Variants in ATXN7L3 observed in about 807,000 individuals in gnomAD.
ATXN7L3 encodes the protein ataxin-7-like protein 3.
In ATXN7L3, 6 loss-of-function variants were observed where a neutral mutation model predicts 50.0. The ratio of observed to expected loss-of-function variants is 0.12; its 90% confidence interval spans 0.07 to 0.24. The LOEUF is 0.24. Ranked by LOEUF, ATXN7L3 falls within the 10% of genes least tolerant of loss-of-function variation. The probability of loss-of-function intolerance (pLI) is 1.00; values close to 1 mark genes in which losing one functional copy is unlikely to be tolerated. For synonymous variants in ATXN7L3, 198 were observed against 165.8 expected, an observed-to-expected ratio of 1.19 and a Z score of -1.49; for missense variants, 322 against 451.3, an observed-to-expected ratio of 0.71 and a Z score of 2.60.
At position 44,195,549 on chromosome 17, in the gene ATXN7L3, G is replaced by A. The variant is rs1030866892; in HGVS notation, c.553-62C>T. ...CAGAGAAAAGAGAAGGACAGGGGTG[G>A]AAGTGAGAATCAGTCCCTCTGGTCC... On this transcript the variant is annotated intron_variant, in intron 8 of 12. Coordinates refer to ENST00000587097, the MANE Select transcript of ATXN7L3 (RefSeq NM_001382309.1). The A allele has an allele frequency of 1.7e-5, 26 of 1,517,350 alleles. No individual in the cohort carries two copies. The African/African-American group carries it at 3.4e-4, about 20-fold the overall frequency. 94.0% of individuals were successfully genotyped at this position (1,517,350 alleles called of 1,614,324 possible).
Position 44,195,475 on chromosome 17 carries a change from T to C in ATXN7L3, c.565A>G (p.Thr189Ala), listed in dbSNP as rs373985034. ...NSDPFKYNNS[T>A]GISYETLGPE... ...CCCAGGGTCTCATAGCTGATCCCAG[T>C]TGAATTGTTATACTGCAGGACAACC... is the stretch of plus-strand genomic sequence containing the variant. The change falls in exon 9 of 13, where the codon ACT becomes GCT. Residue 189 changes from threonine to alanine, a missense_variant. Coordinates refer to ENST00000587097, the MANE Select transcript of ATXN7L3 (RefSeq NM_001382309.1). 2.7e-5 allele frequency: 43 copies of C among 1,613,848 alleles called. No homozygotes were observed. The highest frequency in any genetic ancestry group is 3.3e-5 in the Admixed American group (2 of 59,986).
Position 44,192,113 on chromosome 17 carries a change from C to G in ATXN7L3, c.*2150G>C, listed in dbSNP as rs192273585. 6.6e-6 allele frequency: 1 copy of G among 152,450 alleles called. No individual in the cohort carries two copies. Among genetic ancestry groups the G allele is most frequent in the African/African-American group, 2.4e-5 (1 of 41,382 alleles). The allele number at this position is 152,450 out of a possible 1,614,324, so 9.4% of individuals were successfully genotyped here. ...GGATACAGGGTGGACGACACCTAGC[C>G]GGGGTGGGAAGGATGGGAATTGAAA... On this transcript the variant is annotated 3_prime_UTR_variant, in exon 13 of 13. Coordinates refer to ENST00000587097, the MANE Select transcript of ATXN7L3 (RefSeq NM_001382309.1).
In ATXN7L3 at chr17:44,195,819, C is replaced by T; in HGVS notation, c.533G>A (p.Ser178Asn). 1 of 1,611,078 alleles carries T rather than the reference C, an allele frequency of 6.2e-7. No homozygotes were observed. The highest frequency in any genetic ancestry group is 8.5e-7 in the Non-Finnish European group (1 of 1,178,672). ...KSLKHKNGEL[S>N]NSDPFKYNNS... Reference sequence around the variant, plus strand: ...ACTCACCTTAAAAGGATCCGAATTGCTAAGTTCCCCTGAAGAAGAAAAAAG... The same window carrying T: ...ACTCACCTTAAAAGGATCCGAATTGTTAAGTTCCCCTGAAGAAGAAAAAAG... The change falls in exon 8 of 13, where the codon AGC becomes AAC. Residue 178 changes from serine (S) to asparagine (N), a missense_variant. Physicochemically the swap from Ser to Asn is conservative, Grantham distance 46 (BLOSUM62 1). Coordinates refer to ENST00000587097, the MANE Select transcript of ATXN7L3 (RefSeq NM_001382309.1).
chr17:44,194,240 A>G lies in ATXN7L3; in HGVS notation c.*23T>C, dbSNP rs772770850. On this transcript the variant is annotated 3_prime_UTR_variant, in exon 13 of 13. Transcript: ENST00000587097. ...TCAGGAGAGAGGGCTCTGCTCAGCC[A>G]AAGGCTATCCCTTGCACCCAAGTCA... 5 of 1,613,104 alleles carry G rather than the reference A, an allele frequency of 3.1e-6. No individual in the cohort carries two copies. Among genetic ancestry groups the G allele is most frequent in the Non-Finnish European group, 4.2e-6 (5 of 1,179,600 alleles).
intron 10 of ATXN7L3, 112 bp from the exon 11 acceptor site, chr17:44,194,951 C>CCCAGATTGTGG (rs1376000180): frequency 1.3e-6 from 2 of 1,492,012 alleles, no homozygotes; most frequent in African/African-American, 2.8e-5. Flanking sequence ...CAGATTCATC[C>CCCAGATTGTGG]CCAGATTGTG....
intron 5 of ATXN7L3, 33 bp from the exon 6 acceptor site, chr17:44,196,451 T>G: frequency 1.2e-6 from 2 of 1,613,846 alleles, no homozygotes; most frequent in Non-Finnish European, 1.7e-6. Context: ...GAGCAGGGTT[T>G]CCGTTAAGTT....
chr17:44,196,065 A>T lies in ATXN7L3; in HGVS notation c.492T>A (p.Pro164=). The change falls in exon 7 of 13, where the codon CCT becomes CCA. Residue 164 remains proline, a synonymous_variant. Coordinates refer to ENST00000587097, the MANE Select transcript of ATXN7L3 (RefSeq NM_001382309.1). Reference sequence around the variant, plus strand: ...TGTGTTTTAATGACTTGGATCTTCGAGGGGAATTGGGGTTCTGGAATGGGA... The same window carrying T: ...TGTGTTTTAATGACTTGGATCTTCGTGGGGAATTGGGGTTCTGGAATGGGA... The part of the protein sequence containing the change: ...KRKSDKNPNS[P]RRSKSLKHKN... 6.2e-7 allele frequency: 1 copy of T among 1,613,248 alleles called. No homozygotes were observed. Among genetic ancestry groups the T allele is most frequent in the Non-Finnish European group, 8.5e-7 (1 of 1,179,430 alleles).
chr17:44,197,610 T>C lies in ATXN7L3; in HGVS notation c.172A>G (p.Met58Val). ...FFLDDTDPDS[M>V]KDFEIVDQPG... ...CCCTGAAGCTCACCAAAATCCTTCATGCTATCAGGGTCCGTGTCGTCCAAG... is the reference window on the plus strand; with the variant it reads ...CCCTGAAGCTCACCAAAATCCTTCACGCTATCAGGGTCCGTGTCGTCCAAG... The change falls in exon 3 of 13, where the codon ATG becomes GTG. Residue 58 changes from methionine (M) to valine (V), a missense_variant. Coordinates refer to ENST00000587097, the MANE Select transcript of ATXN7L3 (RefSeq NM_001382309.1). 1.2e-6 allele frequency: 2 copies of C among 1,614,244 alleles called. No individual in the cohort carries two copies. The highest frequency in any genetic ancestry group is 1.7e-6 in the Non-Finnish European group (2 of 1,180,032).
Position 44,192,744 on chromosome 17 carries a change from C to T in ATXN7L3, c.*1519G>A, listed in dbSNP as rs2055739085. On this transcript the variant is annotated 3_prime_UTR_variant, in exon 13 of 13. Coordinates refer to ENST00000587097, the MANE Select transcript of ATXN7L3 (RefSeq NM_001382309.1). ...CCACCCCAGCGGGAGAGCGGAGTTC[C>T]AGACAGGGCATTGCAGCCCCATCTC... 1.3e-5 allele frequency: 2 copies of T among 152,244 alleles called. No individual in the cohort carries two copies. Among genetic ancestry groups the T allele is most frequent in the South Asian group, 4.1e-4 (2 of 4,834 alleles). The allele number at this position is 152,244 out of a possible 1,614,324, so 9.4% of individuals were successfully genotyped here.
chr17:44,195,720 T>C, intron 8 of ATXN7L3, 80 bp downstream of exon 8: 4 of 1,479,954 alleles, frequency 2.7e-6, no homozygotes, highest in Non-Finnish European at 3.8e-6. Context: ...CTGTCAGCAT[T>C]CTGATCCCTA....
At position 44,195,551 on chromosome 17, in the gene ATXN7L3, A is replaced by G. The variant is rs2055854415; in HGVS notation, c.553-64T>C. The G allele has an allele frequency of 4.0e-6, 6 of 1,489,190 alleles. No individual in the cohort carries two copies. The Admixed American group carries it at 1.0e-4, about 25-fold the overall frequency. The allele number at this position is 1,489,190 out of a possible 1,614,324, so 92.2% of individuals were successfully genotyped here. A position where few individuals can be genotyped will look rare whatever the true frequency, so the allele number is the denominator to read the frequency against. On this transcript the variant is annotated intron_variant, in intron 8 of 12. Transcript: ENST00000587097. ...GAGAAAAGAGAAGGACAGGGGTGGA[A>G]GTGAGAATCAGTCCCTCTGGTCCCT...
intron 8 of ATXN7L3, 110 bp from the exon 9 acceptor site, chr17:44,195,597 C>A (rs570629422): frequency 3.1e-6 from 4 of 1,282,816 alleles, no homozygotes; most frequent in South Asian, 1.2e-5. Context: ...GGCTTTAGAA[C>A]GACCCTGCCG....
In ATXN7L3 at chr17:44,196,414, C is replaced by T. The variant is rs1260928263; in HGVS notation, c.459G>A (p.Lys153=). The T allele has an allele frequency of 1.2e-6, 2 of 1,613,932 alleles. No individual in the cohort carries two copies. Among genetic ancestry groups the T allele is most frequent in the East Asian group, 2.2e-5 (1 of 44,878 alleles). ...CTCTCACCTTGTCTGACTTTCTCTT[C>T]TTGGCTGTGGGAAACAAAAGCATAA... is the stretch of plus-strand genomic sequence containing the variant. ...DWSYGSEKKA[K]KRKSDKNPNS... Residue 153 remains lysine, a synonymous_variant, in exon 6 of 13, where the codon AAG becomes AAA. Transcript: ENST00000587097.
chr17:44,195,318 G>A (rs796221827), intron 9 of ATXN7L3, 101 bp downstream of exon 9: 29 of 1,390,200 alleles, frequency 2.1e-5, no homozygotes, highest in African/African-American at 1.4e-4. Context: ...AGAACGATAC[G>A]GCCCTGACTG....
intron 6 of ATXN7L3, 30 bp from the exon 7 acceptor site, chr17:44,196,109 A>C (rs779747482): frequency 6.2e-7 from 1 of 1,608,676 alleles, no homozygotes; most frequent in South Asian, 1.1e-5. Flanking sequence ...AGCTTTGGGG[A>C]AAGGGTAACG....
rs2055830907 is a variant in ATXN7L3, at chr17:44,194,985, A to C, written c.665+112T>G. On this transcript the variant is annotated intron_variant, in intron 10 of 12. Transcript: ENST00000587097. ...TGGCCAAAGGCCTCATCATTAGAGGAGGGAAGGGGAAGGGCAGGAGCCCCA... is the reference window on the plus strand; with the variant it reads ...TGGCCAAAGGCCTCATCATTAGAGGCGGGAAGGGGAAGGGCAGGAGCCCCA... 4 of 1,477,922 alleles carry C rather than the reference A, an allele frequency of 2.7e-6. No individual in the cohort carries two copies. The South Asian group carries it at 4.6e-5, about 17-fold the overall frequency. The allele number at this position is 1,477,922 out of a possible 1,614,324, so 91.6% of individuals were successfully genotyped here. A position where few individuals can be genotyped will look rare whatever the true frequency, so the allele number is the denominator to read the frequency against.
chr17:44,195,200 GTTTC>G lies in ATXN7L3; in HGVS notation c.622-64_622-61del, dbSNP rs137991527. ...AAGGAACCTACTCTAGATGTTAGAT[GTTTC>G]TTTCTGTATAAATGCTAGATAGCAC... On this transcript the variant is annotated intron_variant, in intron 9 of 12. Transcript: ENST00000587097. 1.5e-3 allele frequency: 2,327 copies of G among 1,554,622 alleles called. 35 individuals are homozygous for G. In the African/African-American group the frequency reaches 0.027, roughly 18 times the overall value.
rs1029686619 is a variant in ATXN7L3 at position 44,198,249 on chromosome 17, A to C, written c.-60-119T>G. ...CTGGCATCAGGGTCTCTCCCTCCCC[A>C]AGGCCCAGGCTCCCTAAGTCTGGAT... On this transcript the variant is annotated intron_variant, in intron 1 of 12. Coordinates refer to ENST00000587097, the MANE Select transcript of ATXN7L3 (RefSeq NM_001382309.1). The C allele has an allele frequency of 1.3e-5, 8 of 613,840 alleles. No homozygotes were observed. The African/African-American group carries it at 1.5e-4, about 11-fold the overall frequency. 38.0% of individuals were successfully genotyped at this position (613,840 alleles called of 1,614,324 possible). A position where few individuals can be genotyped will look rare whatever the true frequency, so the allele number is the denominator to read the frequency against.
At chr17:44,194,992 G>C in intron 10 of ATXN7L3, 105 bp downstream of exon 10, 2 of 1,488,998 alleles carry the variant, frequency 1.3e-6, no homozygotes, top group African/African-American at 1.4e-5. Context: ...AGGAGGGAAG[G>C]GGAAGGGCAG....
Sources: gnomAD v4.1 joint callset for allele counts on GRCh38, gnomAD v4.1.1 for gene constraint, MANE v1.5 for transcripts, NCBI Gene and HGNC (gene_info 2026-07-23, HGNC 2026-07-21) for gene names.